The following ROCK1 variants were observed in gnomAD, a reference collection of about 807,000 sequenced individuals.
The protein encoded by ROCK1 is rho-associated protein kinase 1.
In ROCK1, 36 loss-of-function variants were observed where a neutral mutation model predicts 196.8. The ratio of observed to expected loss-of-function variants is 0.18; its 90% confidence interval spans 0.14 to 0.24. The LOEUF (loss-of-function observed/expected upper bound fraction) is 0.24, where lower values mean the gene tolerates loss of function less well. Ranked by LOEUF, ROCK1 falls within the 10% of genes least tolerant of loss-of-function variation. ROCK1 has a pLI of 1.00. For missense variants in ROCK1, 920 were observed against 1,562.0 expected (o/e 0.59, Z 6.93); for synonymous variants, 443 against 515.9 (o/e 0.86, Z 1.91).
chr18:21,091,938 C>T (rs149356566), intron 1 of ROCK1, among the ~76,000 whole-genome samples: 1,567 of 152,252 alleles, frequency 0.01, 31 homozygotes, highest in African/African-American at 0.036. Context: ...CGAGATCATG[C>T]CACTGCACTC....
chr18:21,055,664 C>T (rs1353867469), intron 2 of ROCK1, among the ~76,000 whole-genome samples: 3 of 152,038 alleles, frequency 2.0e-5, no homozygotes, highest in Non-Finnish European at 4.4e-5. Context: ...TAAGCTTTAC[C>T]CCTCCTAACC....
intron 32 of ROCK1, 192 bp downstream of exon 32, chr18:20,953,386 T>A: frequency 2.2e-6 from 1 of 446,822 alleles, no homozygotes; most frequent in Non-Finnish European, 4.0e-6. Context: ...ATAAATATAA[T>A]ATTGCATGTA....
At chr18:21,013,672 G>A (rs1419673554) in intron 13 of ROCK1, among the ~76,000 whole-genome samples, 2 of 152,134 alleles carry the variant, frequency 1.3e-5, no homozygotes, top group Non-Finnish European at 2.9e-5. Flanking sequence ...TCCTTTACTG[G>A]ACCTTCTCTG....
rs922823808 is a variant in ROCK1, at chr18:21,063,855, T to C, written c.175+6677A>G. Among the ~76,000 whole-genome samples, 2 of 152,190 alleles carry C rather than the reference T, an allele frequency of 1.3e-5. 1 individual carries two copies. The highest frequency in any genetic ancestry group is 4.1e-4 in the South Asian group (2 of 4,828). On this transcript the variant is annotated intron_variant, in intron 2 of 32. Transcript: ENST00000399799. ...CTGTTCAGAAATCTGCACTTATCAGTCTTTTCTTTGGTTTATTATAACCAG... is the reference window on the plus strand; with the variant it reads ...CTGTTCAGAAATCTGCACTTATCAGCCTTTTCTTTGGTTTATTATAACCAG...
chr18:21,045,163 T>C, intron 5 of ROCK1, 129 bp downstream of exon 5: 1 of 792,540 alleles, frequency 1.3e-6, no homozygotes, highest in Non-Finnish European at 1.9e-6. Flanking sequence ...CTGGCCAGAG[T>C]CTTGAGTTCT....
intron 6 of ROCK1, 39 bp from the exon 7 acceptor site, chr18:21,042,748 A>C: frequency 6.4e-7 from 1 of 1,570,636 alleles, no homozygotes; most frequent in Non-Finnish European, 8.6e-7. Context: ...ATTAGGATAT[A>C]AAGTCTCAAT....
chr18:21,105,983 A>G (rs1272949105), intron 1 of ROCK1, among the ~76,000 whole-genome samples: 1 of 152,192 alleles, frequency 6.6e-6, no homozygotes, highest in East Asian at 1.9e-4. Context: ...AATTTAAAGG[A>G]AGAAAAACTC....
At chr18:21,104,674 G>A (rs1262564306) in intron 1 of ROCK1, among the ~76,000 whole-genome samples, 3 of 152,210 alleles carry the variant, frequency 2.0e-5, no homozygotes, top group Non-Finnish European at 2.9e-5. Flanking sequence ...CAGGGTGCCT[G>A]TAGTGCAAGA....
chr18:21,021,819 A>G (rs2035915270), intron 11 of ROCK1, among the ~76,000 whole-genome samples: 1 of 152,190 alleles, frequency 6.6e-6, no homozygotes, highest in Non-Finnish European at 1.5e-5. Flanking sequence ...AGGCACTTCT[A>G]ACTCTACAGT....
chr18:21,060,839 CAAAA>C (rs930819259), intron 2 of ROCK1, among the ~76,000 whole-genome samples: 2 of 44,802 alleles, frequency 4.5e-5, no homozygotes, highest in East Asian at 6.5e-4. Flanking sequence ...AACTCCATCT[CAAAA>C]AAAAAAAAAA....
chr18:20,958,912 T>A (rs1354220425), intron 29 of ROCK1, among the ~76,000 whole-genome samples: 13 of 75,050 alleles, frequency 1.7e-4, no homozygotes, highest in African/African-American at 5.0e-4. Context: ...TATATATATT[T>A]TATATATTTT....
rs1244464922 is a variant in ROCK1 at position 20,950,649 on chromosome 18, CTAA to C, written c.*732_*734del. On this transcript the variant is annotated 3_prime_UTR_variant, in exon 33 of 33. Transcript: ENST00000399799. ...TTGGTTCTTTTGTACAGTTAGTTTC[CTAA>C]TGTCTCTAGTAGTAAAATAACTCAA... 6.6e-6 allele frequency: 1 copy of C among 152,182 alleles called. No homozygotes were observed. Among genetic ancestry groups the C allele is most frequent in the Non-Finnish European group, 1.5e-5 (1 of 67,948 alleles). 9.4% of individuals were successfully genotyped at this position (152,182 alleles called of 1,614,324 possible).
At chr18:21,077,149 A>G (rs536662943) in intron 1 of ROCK1, among the ~76,000 whole-genome samples, 11 of 150,498 alleles carry the variant, frequency 7.3e-5, no homozygotes, top group African/African-American at 2.4e-4. Flanking sequence ...AATTTTTTGT[A>G]TTTTTAGTAG....
At chr18:20,963,994 T>C (rs2035350295) in intron 27 of ROCK1, among the ~76,000 whole-genome samples, 1 of 152,120 alleles carries the variant, frequency 6.6e-6, no homozygotes, top group African/African-American at 2.4e-5. Flanking sequence ...AGCTAGTTAA[T>C]AACAAAATGG....
At chr18:20,993,707 C>T (rs1598520911) in intron 16 of ROCK1, among the ~76,000 whole-genome samples, 1 of 152,120 alleles carries the variant, frequency 6.6e-6, no homozygotes, top group East Asian at 1.9e-4. Flanking sequence ...ACCTGATGTT[C>T]GTGCCTTGCA....
At chr18:20,965,910 T>C (rs2035370036) in intron 27 of ROCK1, among the ~76,000 whole-genome samples, 1 of 152,192 alleles carries the variant, frequency 6.6e-6, no homozygotes, top group Non-Finnish European at 1.5e-5. Context: ...TTTCCCACTT[T>C]GAGTCCCACT....
chr18:21,011,850 A>C (rs1165987082), intron 13 of ROCK1, among the ~76,000 whole-genome samples: 1 of 152,232 alleles, frequency 6.6e-6, no homozygotes, highest in Admixed American at 6.5e-5. Context: ...AGACAATATA[A>C]TTTCTGCTTC....
chr18:21,006,901 T>C, intron 14 of ROCK1, 111 bp from the exon 15 acceptor site: 2 of 693,788 alleles, frequency 2.9e-6, no homozygotes, highest in Non-Finnish European at 2.3e-6. Flanking sequence ...GTCAGCTACA[T>C]TAGGTCCACT....
intron 9 of ROCK1, 122 bp from the exon 10 acceptor site, chr18:21,029,057 C>A: frequency 1.1e-6 from 1 of 883,728 alleles, no homozygotes; most frequent in South Asian, 1.7e-5. Flanking sequence ...CAAATTCCAC[C>A]TGGCTTGAAT....
Sources: allele counts gnomAD v4.1 joint callset (sites outside exome capture counted in the v4.1 genomes callset), GRCh38; gene constraint gnomAD v4.1.1; transcripts MANE v1.5; gene names NCBI Gene and HGNC (gene_info 2026-07-23, HGNC 2026-07-21).